The following DNAJA4 variants were observed in gnomAD, a reference collection of about 807,000 sequenced individuals.
DNAJA4 encodes dnaJ homolog subfamily A member 4.
Under a neutral mutation model 39.7 loss-of-function variants are expected in DNAJA4, and 32 were observed. The ratio of observed to expected loss-of-function variants is 0.81; its 90% confidence interval spans 0.61 to 1.08. The LOEUF (loss-of-function observed/expected upper bound fraction) is 1.08, where lower values mean the gene tolerates loss of function less well. Among genes scored for constraint, DNAJA4 ranks in the 50% least tolerant of loss-of-function variants. The pLI is 0.00. For missense variants in DNAJA4, 439 were observed against 505.1 expected, an observed-to-expected ratio of 0.87 and a Z score of 1.25; for synonymous variants, 184 against 182.4, an observed-to-expected ratio of 1.01 and a Z score of -0.07.
At position 78,264,640 on chromosome 15, in the gene DNAJA4, G is replaced by GACC; in HGVS notation, c.-124_-123insACC. On this transcript the variant is annotated 5_prime_UTR_variant, in exon 1 of 7. Coordinates refer to ENST00000394852, the MANE Select transcript of DNAJA4 (RefSeq NM_001130182.2). ...GGGAGCTACAAGCGGCGGCGGCGGC[G>GACC]GCGACCGTGACCGTGACGCGCGAGC... 9.8e-7 allele frequency: 1 copy of GACC among 1,020,828 alleles called. No individual in the cohort carries two copies. Among genetic ancestry groups the GACC allele is most frequent in the Non-Finnish European group, 1.2e-6 (1 of 853,902 alleles). The allele number at this position is 1,020,828 out of a possible 1,614,324, so 63.2% of individuals were successfully genotyped here.
intron 1 of DNAJA4, chr15:78,266,305 C>T: frequency 2.5e-6 from 4 of 1,611,840 alleles, no homozygotes; most frequent in Non-Finnish European, 2.5e-6. Context: ...TAAGTTCATG[C>T]CTCTGTGTAT....
At chr15:78,275,136 G>C (rs925827856) in intron 4 of DNAJA4, 1 of 242,914 alleles carries the variant, frequency 4.1e-6, no homozygotes, top group African/African-American at 2.2e-5. Flanking sequence ...GGACAGGGCT[G>C]GCTGACCTGT....
chr15:78,268,793 C>T (rs558270457), intron 1 of DNAJA4, among the ~76,000 whole-genome samples: 1 of 152,304 alleles, frequency 6.6e-6, no homozygotes, highest in African/African-American at 2.4e-5. Flanking sequence ...GTGGACAAAA[C>T]CCCCCATCTT....
At chr15:78,269,277 G>T (rs1285090324) in intron 1 of DNAJA4, among the ~76,000 whole-genome samples, 3 of 152,184 alleles carry the variant, frequency 2.0e-5, no homozygotes, top group African/African-American at 7.2e-5. Flanking sequence ...AGGGCACATG[G>T]AAGACCACGG....
intron 1 of DNAJA4, chr15:78,266,377 C>G: frequency 2.4e-6 from 3 of 1,245,894 alleles, no homozygotes; most frequent in Non-Finnish European, 3.5e-6. Context: ...TAGACTTGAC[C>G]TGTACTACAT....
At chr15:78,266,091 C>T (rs1455271565) in intron 1 of DNAJA4, 1 of 678,774 alleles carries the variant, frequency 1.5e-6, no homozygotes, top group African/African-American at 1.8e-5. Context: ...ATTTAGATGG[C>T]TTACTGTAGC....
chr15:78,275,309 A>G (rs560022667), intron 4 of DNAJA4, 189 bp from the exon 5 acceptor site: 12 of 580,572 alleles, frequency 2.1e-5, no homozygotes, highest in South Asian at 6.7e-5. Context: ...GCCCCACATT[A>G]TGCCAAGGGA....
intron 5 of DNAJA4, chr15:78,277,955 C>T (rs1332710469): frequency 6.9e-6 from 3 of 435,984 alleles, no homozygotes; most frequent in Admixed American, 2.7e-5. Flanking sequence ...TTCTCTTTTG[C>T]ACCCTCTCTT....
chr15:78,275,672 TC>T lies in DNAJA4; in HGVS notation c.822del (p.Phe274LeufsTer5). On this transcript the variant is annotated frameshift_variant, in exon 5 of 7. Transcript: ENST00000394852. LOFTEE classifies it high-confidence loss of function. ...CAGCTTTCTGAAGCTCTTTGTGGCT[TC>T]AAGAAGACGATAAAAACATTGGACA... ...KIQLSEALCG[F>X]KKTIKTLDNR... The T allele has an allele frequency of 6.2e-7, 1 of 1,614,046 alleles. No individual in the cohort carries two copies.
chr15:78,267,145 TGTGTGTGAGTGTGTATGTGAGTGTGTGA>T (rs2049148519), intron 1 of DNAJA4, among the ~76,000 whole-genome samples: 1 of 95,584 alleles, frequency 1.0e-5, no homozygotes, highest in Admixed American at 1.1e-4. Flanking sequence ...TATGTGAGTG[TGTGTGTGAGTGTGTATGTGAGTGTGTGA>T]GTGTGTGAGT....
rs2049630989 is a variant in DNAJA4, at chr15:78,280,681, T to C, written c.*221T>C. 1 of 498,402 alleles carries C rather than the reference T, an allele frequency of 2.0e-6. No individual in the cohort carries two copies. The highest frequency in any genetic ancestry group is 1.9e-5 in the African/African-American group (1 of 51,846). The allele number at this position is 498,402 out of a possible 1,614,324, so 30.9% of individuals were successfully genotyped here. On this transcript the variant is annotated 3_prime_UTR_variant, in exon 7 of 7. Coordinates refer to ENST00000394852, the MANE Select transcript of DNAJA4 (RefSeq NM_001130182.2). ...TTTTAAGTATAAATCACCTCTAGTC[T>C]GCATATGGAATCTGTTCATTTCTAT...
intron 4 of DNAJA4, chr15:78,274,665 T>C (rs1595926601): frequency 1.9e-6 from 1 of 535,994 alleles, no homozygotes; most frequent in South Asian, 2.1e-5. Flanking sequence ...ACAGCCTCTT[T>C]ATGAGGTTTT....
At chr15:78,269,758 C>T (rs1371572464) in intron 1 of DNAJA4, among the ~76,000 whole-genome samples, 1 of 151,418 alleles carries the variant, frequency 6.6e-6, no homozygotes, top group Non-Finnish European at 1.5e-5. Context: ...ACATTGTATT[C>T]GTTTTTTTCT....
chr15:78,267,216 G>A (rs865774566), intron 1 of DNAJA4, among the ~76,000 whole-genome samples: 74 of 152,014 alleles, frequency 4.9e-4, no homozygotes, highest in South Asian at 1.0e-3. Flanking sequence ...GTGTGTATGT[G>A]TGTGTAGTTC....
At chr15:78,273,548 G>A (rs2049362539) in intron 3 of DNAJA4, among the ~76,000 whole-genome samples, 1 of 152,100 alleles carries the variant, frequency 6.6e-6, no homozygotes, top group African/African-American at 2.4e-5. Flanking sequence ...CCTCATCTAG[G>A]GGTTGGCAGA....
Position 78,274,401 on chromosome 15 carries a change from T to C in DNAJA4, c.623T>C (p.Ile208Thr). 1 of 1,614,000 alleles carries C rather than the reference T, an allele frequency of 6.2e-7. No homozygotes were observed. Among genetic ancestry groups the C allele is most frequent in the Non-Finnish European group, 8.5e-7 (1 of 1,180,012 alleles). Residue 208 changes from isoleucine (I) to threonine (T), a missense_variant, in exon 4 of 7, where the codon ATT (isoleucine) becomes ACT (threonine). Ile to Thr is a moderately conservative substitution (Grantham distance 89). Transcript: ENST00000394852. ...GCCAAGGTGATCCGTGAGAAGAAGA[T>C]TATCGAGGTACATGTTGAAAAAGGT... ...SGAKVIREKK[I>T]IEVHVEKGMK...
intron 3 of DNAJA4, among the ~76,000 whole-genome samples, chr15:78,273,587 C>G (rs1263832572): frequency 6.6e-6 from 1 of 152,196 alleles, no homozygotes; most frequent in African/African-American, 2.4e-5. Flanking sequence ...AGATTTTAGG[C>G]TTTCCAGGCC....
rs758529211 is a variant in DNAJA4, at chr15:78,274,234, G to T, written c.456G>T (p.Pro152=). 5 of 1,613,994 alleles carry T rather than the reference G, an allele frequency of 3.1e-6. No homozygotes were observed. The highest frequency in any genetic ancestry group is 3.4e-6 in the Non-Finnish European group (4 of 1,180,030). Residue 152 remains proline, a synonymous_variant, in exon 4 of 7, where the codon CCG becomes CCT. Coordinates refer to ENST00000394852, the MANE Select transcript of DNAJA4 (RefSeq NM_001130182.2). The part of the protein sequence containing the change: ...GGKKGSVEKC[P]LCKGRGMQIH... ...AGAAGGGATCGGTGGAGAAGTGCCCGCTGTGCAAGGGGCGGGGGATGCAGA... is the reference window on the plus strand; with the variant it reads ...AGAAGGGATCGGTGGAGAAGTGCCCTCTGTGCAAGGGGCGGGGGATGCAGA...
upstream of DNAJA4, chr15:78,264,321 G>C (rs1323644404): frequency 1.4e-6 from 2 of 1,410,138 alleles, no homozygotes; most frequent in Non-Finnish European, 9.2e-7. Context: ...GCCATGGCCC[G>C]GGGCGGCAGT....
Sources: allele counts gnomAD v4.1 joint callset (sites outside exome capture counted in the v4.1 genomes callset), GRCh38; gene constraint gnomAD v4.1.1; transcripts MANE v1.5; gene names NCBI Gene and HGNC (gene_info 2026-07-23, HGNC 2026-07-21).